C8orf34: variants seen among roughly 807,000 people sequenced by gnomAD.
The protein encoded by C8orf34 is uncharacterized protein C8orf34.
Under a neutral mutation model 68.3 loss-of-function variants are expected in C8orf34, and 65 were observed. That is an observed-to-expected ratio of 0.95 (90% CI 0.78 to 1.17). The LOEUF is 1.17. Ranked by LOEUF, C8orf34 falls within the 50% of genes most tolerant of loss-of-function variation. The pLI is 0.00. For synonymous variants in C8orf34, 244 were observed against 241.2 expected (o/e 1.01, Z -0.11); for missense variants, 664 against 655.4 (o/e 1.01, Z -0.14).
chr8:68,661,894 A>AGAAC (rs1819691053), intron 8 of C8orf34, among the ~76,000 whole-genome samples: 1 of 152,138 alleles, frequency 6.6e-6, no homozygotes, highest in Non-Finnish European at 1.5e-5. Flanking sequence ...TGACTGTAGG[A>AGAAC]GAACAAAAAC....
At chr8:68,478,236 C>CACG (rs1484945909) in intron 4 of C8orf34, among the ~76,000 whole-genome samples, 1 of 152,122 alleles carries the variant, frequency 6.6e-6, no homozygotes, top group Non-Finnish European at 1.5e-5. Flanking sequence ...GTTCAAAGAT[C>CACG]CACAGATCTG....
chr8:68,790,667 A>T (rs1227385518), intron 12 of C8orf34: 2 of 430,766 alleles, frequency 4.6e-6, no homozygotes, highest in Non-Finnish European at 8.2e-6. Flanking sequence ...AAAAAGTATA[A>T]ATTCAAGTGT....
chr8:68,428,726 T>C (rs1810332100), intron 1 of C8orf34, among the ~76,000 whole-genome samples: 1 of 152,100 alleles, frequency 6.6e-6, no homozygotes, highest in Admixed American at 6.5e-5. Flanking sequence ...GTCATGAAGA[T>C]GTTGTAATGA....
chr8:68,816,102 AAG>A (rs1491317521), intron 13 of C8orf34, among the ~76,000 whole-genome samples, 157 bp downstream of exon 13: 1 of 108,064 alleles, frequency 9.3e-6, no homozygotes, highest in African/African-American at 4.3e-5. Flanking sequence ...AAGATTTCCT[AAG>A]AGTGTGTGTG....
chr8:68,570,808 T>C (rs1816740306), intron 7 of C8orf34, among the ~76,000 whole-genome samples: 2 of 152,192 alleles, frequency 1.3e-5, no homozygotes, highest in African/African-American at 4.8e-5. Context: ...TTGTCATAAG[T>C]GTGCACATTA....
chr8:68,552,887 A>G (rs1039652737), intron 7 of C8orf34, among the ~76,000 whole-genome samples: 1 of 152,076 alleles, frequency 6.6e-6, no homozygotes, highest in Non-Finnish European at 1.5e-5. Flanking sequence ...TGTTACCTCA[A>G]CCTTGTATTT....
chr8:68,370,952 G>A (rs189104483), intron 1 of C8orf34, among the ~76,000 whole-genome samples: 1 of 152,272 alleles, frequency 6.6e-6, no homozygotes, highest in East Asian at 1.9e-4. Context: ...TCTTCCAGGA[G>A]CAAGCTGGTA....
intron 7 of C8orf34, among the ~76,000 whole-genome samples, chr8:68,616,884 G>T (rs533748939): frequency 1.4e-4 from 22 of 152,302 alleles, no homozygotes; most frequent in African/African-American, 4.8e-4. Context: ...TGTTGACAGT[G>T]GGGTGTTAAA....
intron 8 of C8orf34, among the ~76,000 whole-genome samples, chr8:68,646,672 C>T (rs946687423): frequency 6.6e-6 from 1 of 152,088 alleles, no homozygotes; most frequent in Non-Finnish European, 1.5e-5. Context: ...TTCTTTACTT[C>T]TATGAGTTTG....
chr8:68,611,723 T>C (rs79434854), intron 7 of C8orf34, among the ~76,000 whole-genome samples: 2,308 of 152,292 alleles, frequency 0.015, 50 homozygotes, highest in African/African-American at 0.053. Flanking sequence ...GATTGTCATA[T>C]GGTTGGTAAC....
chr8:68,440,277 C>T (rs1165167310), intron 2 of C8orf34, among the ~76,000 whole-genome samples: 1 of 152,186 alleles, frequency 6.6e-6, no homozygotes, highest in Non-Finnish European at 1.5e-5. Flanking sequence ...CCCTCATGCC[C>T]ATTGCTTGGG....
At chr8:68,445,337 G>T (rs182571381) in intron 2 of C8orf34, among the ~76,000 whole-genome samples, 1 of 152,140 alleles carries the variant, frequency 6.6e-6, no homozygotes, top group South Asian at 2.1e-4. Context: ...AGACAAGAAG[G>T]CATAAAGAAA....
intron 1 of C8orf34, among the ~76,000 whole-genome samples, chr8:68,336,209 A>G (rs749300327): frequency 1.3e-5 from 2 of 152,066 alleles, no homozygotes; most frequent in Non-Finnish European, 2.9e-5. Context: ...TCATAATTCA[A>G]TTAAGAAGCC....
intron 8 of C8orf34, among the ~76,000 whole-genome samples, chr8:68,678,904 A>G (rs1308427868): frequency 6.6e-6 from 1 of 151,880 alleles, no homozygotes; most frequent in Non-Finnish European, 1.5e-5. Flanking sequence ...CAAAGTCAGT[A>G]AAATTGCAGG....
intron 5 of C8orf34, among the ~76,000 whole-genome samples, chr8:68,513,900 G>C (rs998452645): frequency 2.9e-4 from 44 of 152,134 alleles, no homozygotes; most frequent in African/African-American, 9.9e-4. Context: ...GGAGTGATGA[G>C]GGGTGGGGGT....
At chr8:68,661,688 A>T (rs1174159590) in intron 8 of C8orf34, among the ~76,000 whole-genome samples, 1 of 152,080 alleles carries the variant, frequency 6.6e-6, no homozygotes, top group Non-Finnish European at 1.5e-5. Context: ...CCTAGGGCTC[A>T]TGTGAGCCCT....
chr8:68,725,919 AT>A (rs1390054174), intron 10 of C8orf34, among the ~76,000 whole-genome samples: 6 of 151,578 alleles, frequency 4.0e-5, no homozygotes, highest in African/African-American at 1.5e-4. Flanking sequence ...TTTATTTTTT[AT>A]TTTTTTAAGT....
intron 3 of C8orf34, among the ~76,000 whole-genome samples, chr8:68,462,406 C>T (rs1227910947): frequency 6.6e-6 from 1 of 151,980 alleles, no homozygotes; most frequent in Non-Finnish European, 1.5e-5. Flanking sequence ...AACAAGGATA[C>T]CCAGGAATTG....
chr8:68,643,490 A>G (rs571363314), intron 8 of C8orf34, among the ~76,000 whole-genome samples: 32 of 152,308 alleles, frequency 2.1e-4, no homozygotes, highest in African/African-American at 6.7e-4. Flanking sequence ...ACTGTGTCTT[A>G]TAAATGACAA....
Sources: allele counts gnomAD v4.1 joint callset (sites outside exome capture counted in the v4.1 genomes callset), GRCh38; gene constraint gnomAD v4.1.1; transcripts MANE v1.5; gene names NCBI Gene and HGNC (gene_info 2026-07-23, HGNC 2026-07-21).